IGSF9B: variants seen among roughly 807,000 people sequenced by gnomAD.
IGSF9B encodes protein turtle homolog B.
In IGSF9B, 48 loss-of-function variants were observed where a neutral mutation model predicts 143.7. That is an observed-to-expected ratio of 0.33 (90% CI 0.26 to 0.42). The LOEUF (loss-of-function observed/expected upper bound fraction) is 0.42. IGSF9B is among the 20% of genes least tolerant of loss of function. The pLI is 1.00. For synonymous variants in IGSF9B, 903 were observed against 833.1 expected, an observed-to-expected ratio of 1.08 and a Z score of -1.44; for missense variants, 1,706 against 1,980.0, an observed-to-expected ratio of 0.86 and a Z score of 2.63.
intron 5 of IGSF9B, among the ~76,000 whole-genome samples, chr11:133,936,812 C>A (rs924786753): frequency 1.3e-5 from 2 of 152,204 alleles, no homozygotes; most frequent in African/African-American, 4.8e-5. Flanking sequence ...AAGCCGGGGG[C>A]CGAGTTCAGC....
At chr11:133,938,727 C>T (rs1426440719) in intron 3 of IGSF9B, among the ~76,000 whole-genome samples, 2 of 152,138 alleles carry the variant, frequency 1.3e-5, no homozygotes, top group African/African-American at 2.4e-5. Flanking sequence ...CAGTTCTGAA[C>T]TCCAGCCCGG....
Position 133,919,909 on chromosome 11 carries a change from G to A in IGSF9B, c.3816C>T (p.Ala1272=), listed in dbSNP as rs1939481832. The change falls in exon 18 of 20, where the codon GCC becomes GCT. Residue 1272 remains alanine (A), a synonymous_variant. Transcript: ENST00000533871. ...SRSGSPSYRP[A]MGFTTLATGY... is the part of the protein sequence containing the mutation. ...CGGTGGCCAGAGTGGTGAAGCCCAT[G>A]GCGGGCCGGTAGCTGGGACTCCCAC... 1 of 1,571,826 alleles carries A rather than the reference G, an allele frequency of 6.4e-7. No homozygotes were observed. The highest frequency in any genetic ancestry group is 8.6e-7 in the Non-Finnish European group (1 of 1,157,572).
intron 18 of IGSF9B, among the ~76,000 whole-genome samples, chr11:133,915,266 CTCT>C (rs1435388037): frequency 2.4e-4 from 18 of 75,152 alleles, no homozygotes; most frequent in African/African-American, 3.3e-4. Context: ...TTCTCTCTCT[CTCT>C]TTTTTTTTTT....
At chr11:133,929,222 C>T (rs984442352) in intron 12 of IGSF9B, among the ~76,000 whole-genome samples, 1 of 152,144 alleles carries the variant, frequency 6.6e-6, no homozygotes, top group Non-Finnish European at 1.5e-5. Flanking sequence ...ATCTCACGTA[C>T]CCCATACCTA....
In IGSF9B at chr11:133,920,853, G is replaced by C. The variant is rs1379612607; in HGVS notation, c.2872C>G (p.Pro958Ala). 6.2e-7 allele frequency: 1 copy of C among 1,601,972 alleles called. No individual in the cohort carries two copies. Among genetic ancestry groups the C allele is most frequent in the African/African-American group, 1.3e-5 (1 of 74,694 alleles). The change falls in exon 18 of 20, where the codon CCC becomes GCC. Residue 958 changes from proline to alanine, a missense_variant. This residue lies in a region of IGSF9B where 880 missense variants were observed against 762.9 expected (regional missense o/e 1.15). Coordinates refer to ENST00000533871, the MANE Select transcript of IGSF9B (RefSeq NM_001277285.4). ...QATGQARPPA[P>A]RPFHHGQYYG... Reference sequence around the variant, plus strand: ...TACTGGCCATGGTGGAAGGGCCGGGGGGCAGGGGGCCGGGCCTGGCCTGTG... The same window carrying C: ...TACTGGCCATGGTGGAAGGGCCGGGCGGCAGGGGGCCGGGCCTGGCCTGTG...
At position 133,919,794 on chromosome 11, in the gene IGSF9B, C is replaced by A; in HGVS notation, c.3931G>T (p.Gly1311Trp). The stretch of plus-strand genomic sequence containing the variant: ...GTCTCCGGTCGGAGCAATTCCTCCC[C>A]CGTCCTTCGAGGGGAAGGCGTCTGT... ...FGQTPSPRRT[G>W]EELLRPETPP... is the part of the protein sequence containing the mutation. Residue 1311 changes from glycine (G) to tryptophan (W), a missense_variant, in exon 18 of 20, where the codon GGG (glycine) becomes TGG (tryptophan). By Grantham distance (184) the Gly-to-Trp change is radical (BLOSUM62 -2). Around this residue, in one of 7 missense-constraint regions of IGSF9B, gnomAD observed 880 missense variants for 762.9 expected, o/e 1.15. Transcript: ENST00000533871. 1 of 1,504,310 alleles carries A rather than the reference C, an allele frequency of 6.6e-7. No homozygotes were observed. 93.2% of individuals were successfully genotyped at this position (1,504,310 alleles called of 1,614,324 possible).
Position 133,905,806 on chromosome 11 carries a change from C to G in IGSF9B, c.*3263G>C, listed in dbSNP as rs1033094086. Among the ~76,000 whole-genome samples, 1 of 152,216 alleles carries G rather than the reference C, an allele frequency of 6.6e-6. No individual in the cohort carries two copies. On this transcript the variant is annotated 3_prime_UTR_variant, in exon 20 of 20. Coordinates refer to ENST00000533871, the MANE Select transcript of IGSF9B (RefSeq NM_001277285.4). The surrounding 1 kb of genome is among the most constrained non-coding windows in gnomAD (Gnocchi z 4.0). ...TGGGCCCAGAGCCACCCCAACAATC[C>G]AGCACAGGACCCCGCTCAGCACCAG...
Position 133,924,804 on chromosome 11 carries a change from C to A in IGSF9B, c.2119+16G>T. ...TATGTCCCTATAGTTGCAAGAGCAC[C>A]CTCAACCCAAAATACCTGTGCTGGA... On this transcript the variant is annotated intron_variant, in intron 15 of 19. Transcript: ENST00000533871. 1 of 1,611,084 alleles carries A rather than the reference C, an allele frequency of 6.2e-7. No individual in the cohort carries two copies. The highest frequency in any genetic ancestry group is 8.5e-7 in the Non-Finnish European group (1 of 1,177,546).
intron 18 of IGSF9B, among the ~76,000 whole-genome samples, chr11:133,912,822 T>C (rs765679714): frequency 1.7e-4 from 26 of 152,166 alleles, no homozygotes; most frequent in Non-Finnish European, 3.2e-4. Flanking sequence ...TGTACTGGCC[T>C]CTCTTCCTGC....
chr11:133,932,385 CAG>C (rs1565436999), intron 7 of IGSF9B, among the ~76,000 whole-genome samples, 172 bp from the exon 8 acceptor site: 1 of 138,294 alleles, frequency 7.2e-6, no homozygotes, highest in Non-Finnish European at 1.5e-5. Flanking sequence ...CGGGGACAGA[CAG>C]ACAGACACAG....
intron 1 of IGSF9B, among the ~76,000 whole-genome samples, chr11:133,952,776 C>T (rs562936002): frequency 4.0e-5 from 6 of 148,954 alleles, no homozygotes; most frequent in Non-Finnish European, 6.0e-5. Context: ...TGTGTGTATG[C>T]GCACACACAT....
rs1939235358 is a variant in IGSF9B at position 133,907,939 on chromosome 11, A to G, written c.*1130T>C. ...GCGGGAAAGCCACAGGCGGCTCCGC[A>G]CAAGTGGTAATTAATCAATCTGGAG... On this transcript the variant is annotated 3_prime_UTR_variant, in exon 20 of 20. Coordinates refer to ENST00000533871, the MANE Select transcript of IGSF9B (RefSeq NM_001277285.4). Among the ~76,000 whole-genome samples, 1 of 152,252 alleles carries G rather than the reference A, an allele frequency of 6.6e-6. No individual in the cohort carries two copies. Among genetic ancestry groups the G allele is most frequent in the Admixed American group, 6.5e-5 (1 of 15,294 alleles).
intron 3 of IGSF9B, 40 bp downstream of exon 3, chr11:133,944,180 T>C (rs749336082): frequency 3.0e-5 from 47 of 1,559,700 alleles, no homozygotes; most frequent in South Asian, 7.4e-5. Context: ...TCAGGCACCG[T>C]TGATGGTGAG....
rs1591705717 is a variant in IGSF9B at position 133,908,040 on chromosome 11, G to T, written c.*1029C>A. On this transcript the variant is annotated 3_prime_UTR_variant, in exon 20 of 20. Coordinates refer to ENST00000533871, the MANE Select transcript of IGSF9B (RefSeq NM_001277285.4). ...GCACTGCACAGAGTGCTGAGCCGGG[G>T]ACGGTATAAATAGAGCCGGCAGCTT... is the stretch of plus-strand genomic sequence containing the variant. Among the ~76,000 whole-genome samples the T allele has an allele frequency of 2.6e-5, 4 of 152,382 alleles. No homozygotes were observed. In the South Asian group the frequency reaches 6.2e-4, roughly 24 times the overall value.
rs1278986535 is a variant in IGSF9B, at chr11:133,920,254, C to T, written c.3471G>A (p.Ala1157=). The part of the protein sequence containing the change: ...LPYPEPAEPG[A]HGGPSTFGLD... The stretch of plus-strand genomic sequence containing the variant: ...GGCCAAATGTGCTGGGGCCGCCGTG[C>T]GCCCCCGGCTCAGCCGGCTCGGGGT... Residue 1157 remains alanine (A), a synonymous_variant, in exon 18 of 20, where the codon GCG becomes GCA. Transcript: ENST00000533871. 3.3e-6 allele frequency: 5 copies of T among 1,516,748 alleles called. No individual in the cohort carries two copies. Among genetic ancestry groups the T allele is most frequent in the African/African-American group, 1.4e-5 (1 of 71,624 alleles). 94.0% of individuals were successfully genotyped at this position (1,516,748 alleles called of 1,614,324 possible). A position where few individuals can be genotyped will look rare whatever the true frequency, so the allele number is the denominator to read the frequency against.
At chr11:133,917,056 G>C (rs1253909628) in intron 18 of IGSF9B, among the ~76,000 whole-genome samples, 1 of 152,176 alleles carries the variant, frequency 6.6e-6, no homozygotes, top group Non-Finnish European at 1.5e-5. Context: ...AGGAATGAAT[G>C]AGATTTATAG....
chr11:133,944,487 G>A, intron 2 of IGSF9B, 121 bp from the exon 3 acceptor site: 2 of 1,079,758 alleles, frequency 1.9e-6, no homozygotes, highest in Non-Finnish European at 2.7e-6. Context: ...CCCTATGGCA[G>A]GGCTCCAGAA....
chr11:133,952,801 A>G lies in IGSF9B; in HGVS notation c.64+3890T>C, dbSNP rs749044296. On this transcript the variant is annotated intron_variant, in intron 1 of 19. Coordinates refer to ENST00000533871, the MANE Select transcript of IGSF9B (RefSeq NM_001277285.4). ...CGCACACACATGTGCACATGTATGC[A>G]TGTGCACACACACACACTTCTGGAC... is the stretch of plus-strand genomic sequence containing the variant. Among the ~76,000 whole-genome samples, 159 of 152,144 alleles carry G rather than the reference A, an allele frequency of 1.0e-3. 1 individual carries two copies. Among genetic ancestry groups the G allele is most frequent in the Non-Finnish European group, 7.5e-4 (51 of 67,960 alleles).
At chr11:133,949,596 G>C (rs1158001757) in intron 1 of IGSF9B, among the ~76,000 whole-genome samples, 1 of 152,172 alleles carries the variant, frequency 6.6e-6, no homozygotes, top group Non-Finnish European at 1.5e-5. Context: ...GAGGGGCCAG[G>C]TGTGGAGCCC....
Sources: allele counts gnomAD v4.1 joint callset (sites outside exome capture counted in the v4.1 genomes callset), GRCh38; gene constraint gnomAD v4.1.1; regional missense constraint gnomAD v4.1.1; non-coding constraint Gnocchi (gnomAD v3.1); transcripts MANE v1.5; gene names NCBI Gene and HGNC (gene_info 2026-07-23, HGNC 2026-07-21).